Variants in SHISA9 observed in about 807,000 individuals in gnomAD.
The protein encoded by SHISA9 is protein shisa-9.
Under a neutral mutation model 38.0 loss-of-function variants are expected in SHISA9, and 13 were observed. The ratio of observed to expected loss-of-function variants is 0.34; its 90% confidence interval spans 0.22 to 0.54. SHISA9 has a LOEUF of 0.54. Ranked by LOEUF, SHISA9 falls within the 20% of genes least tolerant of loss-of-function variation. SHISA9 has a pLI of 0.91. For missense variants in SHISA9, 538 were observed against 575.8 expected (o/e 0.93, Z 0.67); for synonymous variants, 275 against 242.0 (o/e 1.14, Z -1.27).
intron 2 of SHISA9, among the ~76,000 whole-genome samples, chr16:12,922,833 T>C (rs1425914907): frequency 6.6e-6 from 1 of 152,104 alleles, no homozygotes; most frequent in Non-Finnish European, 1.5e-5. Context: ...ATTTTCTTTA[T>C]AGCATTTTGT....
At chr16:12,942,797 G>A (rs1402603615) in intron 2 of SHISA9, among the ~76,000 whole-genome samples, 1 of 152,128 alleles carries the variant, frequency 6.6e-6, no homozygotes, top group African/African-American at 2.4e-5. Flanking sequence ...CATATGCCCT[G>A]TAGTATGCCG....
intron 2 of SHISA9, among the ~76,000 whole-genome samples, chr16:13,013,830 C>A (rs1354238651): frequency 6.6e-6 from 1 of 152,148 alleles, no homozygotes; most frequent in Non-Finnish European, 1.5e-5. Context: ...CGGGTTCACG[C>A]CATTCTCCTG....
intron 2 of SHISA9, among the ~76,000 whole-genome samples, chr16:13,062,058 A>G (rs1241082505): frequency 6.6e-6 from 1 of 152,176 alleles, no homozygotes; most frequent in East Asian, 1.9e-4. Flanking sequence ...GATTATTTTT[A>G]TTAATCCAAG....
the SHISA9 span, among the ~76,000 whole-genome samples, chr16:13,462,044 A>G: frequency 6.6e-6 from 1 of 151,558 alleles, no homozygotes; most frequent in African/African-American, 2.4e-5. Flanking sequence ...CTGAGGCAGG[A>G]GGATCACTTG....
At chr16:13,444,787 C>T in the SHISA9 span, among the ~76,000 whole-genome samples, 3 of 144,688 alleles carry the variant, frequency 2.1e-5, no homozygotes, top group African/African-American at 8.5e-5. Flanking sequence ...TCTTCCCTCC[C>T]TCTTCCCTCC....
the SHISA9 span, among the ~76,000 whole-genome samples, chr16:13,500,251 A>G: frequency 2.6e-5 from 4 of 152,114 alleles, no homozygotes; most frequent in African/African-American, 9.7e-5. Context: ...GAGACGGTCC[A>G]AGCTTGCTTT....
intron 2 of SHISA9, among the ~76,000 whole-genome samples, chr16:13,082,197 A>G (rs1567206096): frequency 6.6e-6 from 1 of 152,270 alleles, no homozygotes; most frequent in Non-Finnish European, 1.5e-5. Context: ...AGAACGCAGA[A>G]TAGAGACATA....
intron 2 of SHISA9, among the ~76,000 whole-genome samples, chr16:13,126,155 C>T (rs1418080677): frequency 6.6e-6 from 1 of 152,130 alleles, no homozygotes; most frequent in African/African-American, 2.4e-5. Flanking sequence ...TTCGGCAGCC[C>T]CATGTGCATA....
At chr16:13,247,444 T>A in the SHISA9 span, among the ~76,000 whole-genome samples, 2 of 152,338 alleles carry the variant, frequency 1.3e-5, no homozygotes, top group African/African-American at 4.8e-5. Flanking sequence ...AGAGGTTAAA[T>A]GTCTTACTCA....
chr16:13,018,639 C>T (rs1182684266), intron 2 of SHISA9, among the ~76,000 whole-genome samples: 1 of 152,156 alleles, frequency 6.6e-6, no homozygotes, highest in Non-Finnish European at 1.5e-5. Flanking sequence ...ATTTCCAGTC[C>T]AGGAGAGGCA....
the SHISA9 span, among the ~76,000 whole-genome samples, chr16:13,419,140 C>T: frequency 6.6e-6 from 1 of 152,178 alleles, no homozygotes; most frequent in African/African-American, 2.4e-5. Context: ...AATGACCTCA[C>T]CCTCCAGGGT....
chr16:13,431,645 G>A, the SHISA9 span, among the ~76,000 whole-genome samples: 1 of 152,178 alleles, frequency 6.6e-6, no homozygotes, highest in East Asian at 1.9e-4. Flanking sequence ...GGATTAATCT[G>A]AGAATCCACT....
At chr16:13,555,272 A>T in the SHISA9 span, among the ~76,000 whole-genome samples, 1 of 151,790 alleles carries the variant, frequency 6.6e-6, no homozygotes, top group Non-Finnish European at 1.5e-5. Context: ...CTACCTGTAC[A>T]AAACTGTATC....
chr16:13,045,880 A>G (rs2073182393), intron 2 of SHISA9, among the ~76,000 whole-genome samples: 1 of 152,126 alleles, frequency 6.6e-6, no homozygotes, highest in Non-Finnish European at 1.5e-5. Context: ...ATTCAATCCA[A>G]ATTTCAAGAC....
At chr16:12,984,116 C>A (rs976409322) in intron 2 of SHISA9, among the ~76,000 whole-genome samples, 14 of 151,978 alleles carry the variant, frequency 9.2e-5, no homozygotes, top group Middle Eastern at 3.2e-3. Context: ...GTTTTTCAGC[C>A]CAGGGGCCCC....
chr16:12,949,316 G>A (rs923126341), intron 2 of SHISA9, among the ~76,000 whole-genome samples: 7 of 152,354 alleles, frequency 4.6e-5, no homozygotes, highest in African/African-American at 7.2e-5. Flanking sequence ...GCTCTGGAGC[G>A]TGAACTGCAC....
the SHISA9 span, among the ~76,000 whole-genome samples, chr16:13,299,618 G>A: frequency 1.3e-5 from 2 of 151,884 alleles, 1 homozygote; most frequent in Admixed American, 1.3e-4. Context: ...GGAGGCTGAG[G>A]CAGGAGAATT....
chr16:13,330,775 C>G, the SHISA9 span, among the ~76,000 whole-genome samples: 2 of 152,236 alleles, frequency 1.3e-5, no homozygotes, highest in Admixed American at 1.3e-4. Context: ...CTCTGAAGGG[C>G]CTTTGAAAAC....
intron 2 of SHISA9, among the ~76,000 whole-genome samples, chr16:12,920,409 G>A (rs1189087127): frequency 6.6e-6 from 1 of 152,164 alleles, no homozygotes; most frequent in African/African-American, 2.4e-5. Context: ...CCAGAAAAAT[G>A]AATAAGACCT....
Sources: allele counts gnomAD v4.1 joint callset (sites outside exome capture counted in the v4.1 genomes callset), GRCh38; gene constraint gnomAD v4.1.1; transcripts MANE v1.5; gene names NCBI Gene and HGNC (gene_info 2026-07-23, HGNC 2026-07-21).